PACRG: variants seen among roughly 807,000 people sequenced by gnomAD.
PACRG encodes the protein parkin coregulated.
PACRG carries 29 observed loss-of-function variants against 29.7 expected under a neutral mutation model. The ratio of observed to expected loss-of-function variants is 0.98; its 90% CI spans 0.73 to 1.33. PACRG has a LOEUF of 1.33. PACRG is among the 40% of genes most tolerant of loss of function. The pLI is 0.00. For synonymous variants in PACRG, 116 were observed against 118.7 expected, an observed-to-expected ratio of 0.98 and a Z score of 0.15; for missense variants, 279 against 316.2, an observed-to-expected ratio of 0.88 and a Z score of 0.89.
At chr6:162,849,834 A>C (rs1223524900) in intron 2 of PACRG, among the ~76,000 whole-genome samples, 1 of 152,232 alleles carries the variant, frequency 6.6e-6, no homozygotes, top group Non-Finnish European at 1.5e-5. Flanking sequence ...GACAGTAAAT[A>C]GTCGCTAATC....
intron 4 of PACRG, chr6:163,101,088 A>G (rs1815060167): frequency 1.0e-6 from 1 of 981,206 alleles, no homozygotes; most frequent in African/African-American, 1.8e-5. Flanking sequence ...AATGAAATTA[A>G]AAATCATTCT....
intron 2 of PACRG, among the ~76,000 whole-genome samples, chr6:162,858,791 G>A (rs941366718): frequency 1.3e-5 from 2 of 152,086 alleles, no homozygotes; most frequent in African/African-American, 4.8e-5. Flanking sequence ...CTTCCCTCCT[G>A]GTATAGGGCA....
At chr6:163,103,549 T>G (rs1451919849) in intron 4 of PACRG, among the ~76,000 whole-genome samples, 1 of 152,218 alleles carries the variant, frequency 6.6e-6, no homozygotes, top group African/African-American at 2.4e-5. Flanking sequence ...TGGAACTATG[T>G]GGAATAATCC....
At chr6:162,837,969 T>C (rs996520129) in intron 2 of PACRG, among the ~76,000 whole-genome samples, 4 of 152,072 alleles carry the variant, frequency 2.6e-5, no homozygotes, top group Non-Finnish European at 5.9e-5. Flanking sequence ...CATTTCCTTA[T>C]TGAAATGATA....
chr6:163,188,176 C>T (rs1048637456), intron 4 of PACRG, among the ~76,000 whole-genome samples: 23 of 152,146 alleles, frequency 1.5e-4, no homozygotes, highest in Non-Finnish European at 5.9e-5. Flanking sequence ...ATCAGAACAT[C>T]GGGGAGGCAG....
intron 2 of PACRG, among the ~76,000 whole-genome samples, chr6:162,873,064 A>G (rs189027853): frequency 6.6e-6 from 1 of 152,348 alleles, no homozygotes; most frequent in Admixed American, 6.5e-5. Flanking sequence ...CCTAACCCAG[A>G]TGCCAGAGAT....
At chr6:163,220,763 G>A (rs1781552644) in intron 4 of PACRG, among the ~76,000 whole-genome samples, 1 of 152,186 alleles carries the variant, frequency 6.6e-6, no homozygotes, top group Non-Finnish European at 1.5e-5. Context: ...TATATGGAAT[G>A]TCTAATCATC....
intron 4 of PACRG, among the ~76,000 whole-genome samples, chr6:163,275,988 T>C (rs1585392445): frequency 1.4e-5 from 2 of 139,614 alleles, no homozygotes; most frequent in Admixed American, 7.1e-5. Flanking sequence ...TATTATTCTC[T>C]TTCCTTCCTT....
At chr6:163,271,211 G>A (rs1205819355) in intron 4 of PACRG, among the ~76,000 whole-genome samples, 2 of 152,120 alleles carry the variant, frequency 1.3e-5, no homozygotes, top group East Asian at 3.9e-4. Context: ...ACATTCTTCT[G>A]CCTGCTTTTA....
intron 2 of PACRG, among the ~76,000 whole-genome samples, chr6:162,927,999 G>A (rs1166563857): frequency 1.3e-5 from 2 of 151,924 alleles, no homozygotes; most frequent in African/African-American, 2.4e-5. Flanking sequence ...TTTATTTGTT[G>A]TCTTTGTCTG....
At chr6:162,996,536 C>G (rs1225118296) in intron 2 of PACRG, among the ~76,000 whole-genome samples, 2 of 151,998 alleles carry the variant, frequency 1.3e-5, no homozygotes, top group Non-Finnish European at 2.9e-5. Context: ...AAACATTCCA[C>G]CAAACTAGGG....
At chr6:162,765,386 C>G (rs962740875) in intron 1 of PACRG, among the ~76,000 whole-genome samples, 4 of 152,060 alleles carry the variant, frequency 2.6e-5, no homozygotes, top group Admixed American at 6.5e-5. Context: ...AACTCTACCC[C>G]CTTTCCTCGC....
chr6:163,307,674 G>T (rs1785239333), intron 4 of PACRG, among the ~76,000 whole-genome samples: 1 of 152,120 alleles, frequency 6.6e-6, no homozygotes, highest in African/African-American at 2.4e-5. Context: ...ATTCCAAATG[G>T]GGAAACACAC....
chr6:163,243,555 C>T (rs775436534), intron 4 of PACRG, among the ~76,000 whole-genome samples: 18 of 152,156 alleles, frequency 1.2e-4, no homozygotes, highest in South Asian at 4.1e-4. Flanking sequence ...TGTACCTACA[C>T]GCCCACACAC....
chr6:163,054,512 G>A (rs964347949), intron 2 of PACRG, among the ~76,000 whole-genome samples: 1 of 152,188 alleles, frequency 6.6e-6, no homozygotes, highest in African/African-American at 2.4e-5. Flanking sequence ...AAGACAGTGC[G>A]TTCGAAGAGT....
intron 4 of PACRG, among the ~76,000 whole-genome samples, chr6:163,169,742 G>T (rs892179685): frequency 6.6e-6 from 1 of 152,230 alleles, no homozygotes; most frequent in African/African-American, 2.4e-5. Context: ...CGCTGGGCAG[G>T]CTGGGCGGGG....
chr6:162,812,971 G>A (rs1408575388), intron 1 of PACRG, among the ~76,000 whole-genome samples: 1 of 151,928 alleles, frequency 6.6e-6, no homozygotes, highest in African/African-American at 2.4e-5. Flanking sequence ...TAATAAATGT[G>A]TGTTACCTCA....
At chr6:163,194,854 C>A (rs1780375147) in intron 4 of PACRG, among the ~76,000 whole-genome samples, 1 of 152,006 alleles carries the variant, frequency 6.6e-6, no homozygotes, top group Non-Finnish European at 1.5e-5. Flanking sequence ...CTTCCCTCTG[C>A]TCTTCTCCCT....
At position 162,777,199 on chromosome 6, in the gene PACRG, C is replaced by G. The variant is rs1338190432; in HGVS notation, c.157-36948C>G. ...CTCTTCAGGGGCCTCTTCAAAAGTT[C>G]AGTATCAGACTCACTTGGCTCCCTC... is the stretch of plus-strand genomic sequence containing the variant. On this transcript the variant is annotated intron_variant, in intron 1 of 4. Coordinates refer to ENST00000366888, the MANE Select transcript of PACRG (RefSeq NM_001080379.2). This position sits in a 1 kb window ranked among gnomAD's most constrained non-coding sequence, Gnocchi z 4.0. Among the ~76,000 whole-genome samples the G allele has an allele frequency of 1.3e-5, 2 of 152,218 alleles. No individual in the cohort carries two copies. Among genetic ancestry groups the G allele is most frequent in the Admixed American group, 6.5e-5 (1 of 15,284 alleles).
Sources: gnomAD v4.1 joint callset for allele counts (sites outside exome capture counted in the v4.1 genomes callset) on GRCh38, gnomAD v4.1.1 for gene constraint, Gnocchi (gnomAD v3.1) non-coding constraint, MANE v1.5 for transcripts, NCBI Gene and HGNC (gene_info 2026-07-23, HGNC 2026-07-21) for gene names.